PDE4D: variants seen among roughly 807,000 people sequenced by gnomAD.
PDE4D encodes the protein 3',5'-cyclic-AMP phosphodiesterase 4D.
PDE4D carries 24 observed loss-of-function variants against 87.4 expected under a neutral mutation model. The ratio of observed to expected loss-of-function variants is 0.27; its 90% confidence interval spans 0.20 to 0.39. The LOEUF is 0.39. Ranked by LOEUF, PDE4D falls within the 10% of genes least tolerant of loss-of-function variation. The pLI is 1.00. For synonymous variants in PDE4D, 384 were observed against 383.2 expected (o/e 1.00, Z -0.02); for missense variants, 714 against 1,041.0 (o/e 0.69, Z 4.32).
intron 2 of PDE4D, among the ~76,000 whole-genome samples, chr5:60,139,828 T>G (rs557967274): frequency 6.6e-6 from 1 of 152,146 alleles, no homozygotes; most frequent in East Asian, 1.9e-4. Flanking sequence ...GAATCCACAT[T>G]GAAATAATTG....
rs1320419116 is a variant in PDE4D at position 59,091,201 on chromosome 5, TTCTCAACCACTTTG to T, written c.809-52244_809-52231del. On this transcript the variant is annotated intron_variant, in intron 5 of 14. Transcript: ENST00000340635. ...TGGAGCAACAGGAATTCTCATTACC[TTCTCAACCACTTTG>T]TCAAATGCTTTCTGCTTATCTGCTG... 1.1e-5 allele frequency: 5 copies of T among 441,922 alleles called. No individual in the cohort carries two copies. In the East Asian group the frequency reaches 3.5e-4, roughly 31 times the overall value. The allele number at this position is 441,922 out of a possible 1,614,324, so 27.4% of individuals were successfully genotyped here. A position where few individuals can be genotyped will look rare whatever the true frequency, so the allele number is the denominator to read the frequency against.
chr5:59,459,560 T>C (rs1197571823), intron 1 of PDE4D, among the ~76,000 whole-genome samples: 4 of 152,174 alleles, frequency 2.6e-5, no homozygotes, highest in Non-Finnish European at 5.9e-5. Context: ...AAGGTTTCAC[T>C]CTAACAGGAA....
At chr5:59,936,073 A>C (rs1249123672) in intron 3 of PDE4D, among the ~76,000 whole-genome samples, 1 of 152,158 alleles carries the variant, frequency 6.6e-6, no homozygotes, top group African/African-American at 2.4e-5. Context: ...AGTCCCACCA[A>C]CGGTGTAAAC....
intron 2 of PDE4D, among the ~76,000 whole-genome samples, chr5:59,991,416 A>G (rs1762996304): frequency 6.6e-6 from 1 of 152,160 alleles, no homozygotes; most frequent in African/African-American, 2.4e-5. Flanking sequence ...TGAACAACAC[A>G]TTTTGAAAAA....
chr5:59,546,792 G>C (rs1194010433), intron 1 of PDE4D, among the ~76,000 whole-genome samples: 1 of 152,066 alleles, frequency 6.6e-6, no homozygotes, highest in African/African-American at 2.4e-5. Context: ...CTTAACACTG[G>C]ATTTGCTAAT....
intron 5 of PDE4D, among the ~76,000 whole-genome samples, chr5:59,043,121 C>T (rs1192092324): frequency 6.6e-6 from 1 of 152,096 alleles, no homozygotes; most frequent in Non-Finnish European, 1.5e-5. Context: ...ATCGGCTTGT[C>T]ATAATTCCTA....
At chr5:60,162,210 A>G (rs1782524277) in intron 2 of PDE4D, among the ~76,000 whole-genome samples, 1 of 152,170 alleles carries the variant, frequency 6.6e-6, no homozygotes, top group South Asian at 2.1e-4. Flanking sequence ...AGCAAAATAG[A>G]TTTATCCAGC....
rs1473550661 is a variant in PDE4D at position 59,893,462 on chromosome 5, T to C, written c.161A>G (p.His54Arg). 2.6e-6 allele frequency: 4 copies of C among 1,525,822 alleles called. No individual in the cohort carries two copies. 94.5% of individuals were successfully genotyped at this position (1,525,822 alleles called of 1,614,324 possible). A position where few individuals can be genotyped will look rare whatever the true frequency, so the allele number is the denominator to read the frequency against. The stretch of plus-strand genomic sequence containing the variant: ...TGGCGGCGGCGGGGGCAGGTGGTGA[T>C]GGGGATGCAGGAGGCGGAACTGGGG... ...RQPQFRLLHP[H>R]HHLPPPPPPS... The change falls in exon 1 of 15, where the codon CAT (histidine) becomes CGT (arginine). Residue 54 changes from histidine (H) to arginine (R), a missense_variant. Around this residue, in one of 7 missense-constraint regions of PDE4D, gnomAD observed 268 missense variants for 272.9 expected, o/e 0.98. Transcript: ENST00000340635.
At chr5:59,586,371 A>G in intron 1 of PDE4D, 1 of 1,612,814 alleles carries the variant, frequency 6.2e-7, no homozygotes, top group Admixed American at 1.7e-5. Context: ...ATTCACGTGC[A>G]TCATGTTCGC....
chr5:59,536,504 CAAAAAAAAAAAA>C (rs10586960), intron 1 of PDE4D, among the ~76,000 whole-genome samples: 6 of 56,374 alleles, frequency 1.1e-4, no homozygotes, highest in South Asian at 9.8e-4. Flanking sequence ...GACTCAGCCT[CAAAAAAAAAAAA>C]AAAAAAAAAA....
chr5:60,092,050 CAAAAAAAAAAA>C (rs66814905), intron 2 of PDE4D, among the ~76,000 whole-genome samples: 16 of 56,004 alleles, frequency 2.9e-4, no homozygotes, highest in South Asian at 2.5e-3. Flanking sequence ...AACTCCGTCT[CAAAAAAAAAAA>C]AAAAAAAAAA....
intron 2 of PDE4D, among the ~76,000 whole-genome samples, chr5:60,058,160 A>C (rs1332814693): frequency 6.6e-6 from 1 of 152,002 alleles, no homozygotes; most frequent in Non-Finnish European, 1.5e-5. Flanking sequence ...ATATAACTTA[A>C]GTTTTGAGCA....
chr5:59,373,152 C>T (rs887584975), intron 1 of PDE4D, among the ~76,000 whole-genome samples: 14 of 152,154 alleles, frequency 9.2e-5, no homozygotes, highest in African/African-American at 3.1e-4. Flanking sequence ...CGTGTCCCTT[C>T]TAAAGCAAGC....
chr5:59,397,005 A>T (rs1789551162), intron 1 of PDE4D, among the ~76,000 whole-genome samples: 1 of 125,198 alleles, frequency 8.0e-6, no homozygotes, highest in Non-Finnish European at 1.7e-5. Context: ...CATAATGGTA[A>T]AGGGATCAAT....
intron 3 of PDE4D, among the ~76,000 whole-genome samples, chr5:59,981,208 C>T (rs183363037): frequency 6.6e-5 from 10 of 152,070 alleles, no homozygotes; most frequent in African/African-American, 9.7e-5. Flanking sequence ...GCCGAGATCA[C>T]GCCATTTCAC....
At chr5:59,582,070 G>A (rs942964331) in intron 1 of PDE4D, among the ~76,000 whole-genome samples, 3 of 152,070 alleles carry the variant, frequency 2.0e-5, no homozygotes, top group Non-Finnish European at 4.4e-5. Flanking sequence ...AATTAAGCTG[G>A]CAGTCTGGTA....
intron 2 of PDE4D, among the ~76,000 whole-genome samples, chr5:60,138,828 A>T (rs1157030061): frequency 3.3e-5 from 5 of 152,158 alleles, no homozygotes; most frequent in African/African-American, 1.2e-4. Flanking sequence ...ATTGCCTCCA[A>T]TTATTAGTCA....
intron 1 of PDE4D, among the ~76,000 whole-genome samples, chr5:59,830,202 C>T (rs181561548): frequency 1.2e-4 from 18 of 152,080 alleles, no homozygotes; most frequent in African/African-American, 3.6e-4. Flanking sequence ...TGTAATTGGA[C>T]AACAAAAGGA....
At chr5:59,345,337 G>A (rs1273136758) in intron 1 of PDE4D, among the ~76,000 whole-genome samples, 2 of 152,102 alleles carry the variant, frequency 1.3e-5, no homozygotes, top group Non-Finnish European at 2.9e-5. Flanking sequence ...CTCAAAGTAC[G>A]ACATGGAAAT....
Sources: allele counts gnomAD v4.1 joint callset (sites outside exome capture counted in the v4.1 genomes callset), GRCh38; gene constraint gnomAD v4.1.1; regional missense constraint gnomAD v4.1.1; transcripts MANE v1.5; gene names NCBI Gene and HGNC (gene_info 2026-07-23, HGNC 2026-07-21).